Variants in PARD3 observed in about 807,000 individuals in gnomAD.
PARD3 encodes par-3 family cell polarity regulator.
Under a neutral mutation model 155.4 loss-of-function variants are expected in PARD3, and 75 were observed. That is an observed-to-expected ratio of 0.48 (90% CI 0.40 to 0.58). The LOEUF (loss-of-function observed/expected upper bound fraction) is 0.58. Among genes scored for constraint, PARD3 ranks in the 20% least tolerant of loss-of-function variants. The probability of loss-of-function intolerance (pLI) is 0.00; values close to 1 mark genes in which losing one functional copy is unlikely to be tolerated. For missense variants in PARD3, 1,642 were observed against 1,721.7 expected (o/e 0.95, Z 0.82); for synonymous variants, 576 against 610.5 (o/e 0.94, Z 0.83).
chr10:34,809,365 G>A (rs117543243), intron 1 of PARD3, among the ~76,000 whole-genome samples: 1 of 152,102 alleles, frequency 6.6e-6, no homozygotes, highest in Non-Finnish European at 1.5e-5. Flanking sequence ...AAGGGCGCAC[G>A]GATACACTTG....
chr10:34,385,133 CTTATT>C (rs985146119), intron 7 of PARD3, among the ~76,000 whole-genome samples: 16 of 151,958 alleles, frequency 1.1e-4, no homozygotes, highest in African/African-American at 3.6e-4. Flanking sequence ...TTTTTTTAGT[CTTATT>C]TTATTCTTTT....
chr10:34,702,555 C>A (rs2133551115), intron 1 of PARD3, among the ~76,000 whole-genome samples: 1 of 152,176 alleles, frequency 6.6e-6, no homozygotes, highest in South Asian at 2.1e-4. Flanking sequence ...AGAGGAGGAA[C>A]AATTGTAGAG....
chr10:34,598,045 T>G (rs1397270278), intron 2 of PARD3, among the ~76,000 whole-genome samples: 2 of 152,186 alleles, frequency 1.3e-5, no homozygotes, highest in African/African-American at 2.4e-5. Flanking sequence ...TTATCTACTT[T>G]TAAAATGAGC....
At chr10:34,669,459 GA>G (rs2093567434) in intron 2 of PARD3, among the ~76,000 whole-genome samples, 1 of 152,146 alleles carries the variant, frequency 6.6e-6, no homozygotes, top group African/African-American at 2.4e-5. Context: ...AGGAGGATGG[GA>G]GGGGGTGAAG....
At chr10:34,312,081 A>G (rs1459022961) in intron 20 of PARD3, among the ~76,000 whole-genome samples, 2 of 152,170 alleles carry the variant, frequency 1.3e-5, no homozygotes, top group Non-Finnish European at 2.9e-5. Flanking sequence ...ATGGTTTTCC[A>G]CTATGAAAAG....
chr10:34,437,106 C>T (rs1481991069), intron 5 of PARD3, among the ~76,000 whole-genome samples: 1 of 151,868 alleles, frequency 6.6e-6, no homozygotes, highest in African/African-American at 2.4e-5. Flanking sequence ...AATTAATCCC[C>T]CTATAGTCTG....
intron 2 of PARD3, among the ~76,000 whole-genome samples, chr10:34,535,177 A>G (rs1164033954): frequency 6.6e-6 from 1 of 152,206 alleles, no homozygotes; most frequent in Non-Finnish European, 1.5e-5. Flanking sequence ...TTTAATCCCC[A>G]TATGTCTTGA....
At chr10:34,531,641 TA>T (rs2082863175) in intron 2 of PARD3, among the ~76,000 whole-genome samples, 1 of 152,044 alleles carries the variant, frequency 6.6e-6, no homozygotes, top group Non-Finnish European at 1.5e-5. Context: ...TCTTGTTTTT[TA>T]TAATGGTCCC....
rs56131825 is a variant in PARD3, at chr10:34,735,240, C to A, written c.121-38821G>T. ...ATAATAAGACATAAGTTGTATGTTT[C>A]TTTTGCTCTAAGCTACTCGTAGCTT... On this transcript the variant is annotated intron_variant, in intron 1 of 24. Transcript: ENST00000374788. Among the ~76,000 whole-genome samples the A allele has an allele frequency of 8.6e-3, 1,315 of 152,198 alleles. 22 individuals carry two copies. Among genetic ancestry groups the A allele is most frequent in the African/African-American group, 0.03 (1,260 of 41,516 alleles).
intron 5 of PARD3, among the ~76,000 whole-genome samples, chr10:34,408,151 T>C (rs1335988619): frequency 6.6e-6 from 1 of 152,104 alleles, no homozygotes; most frequent in Non-Finnish European, 1.5e-5. Flanking sequence ...TATAAAAACT[T>C]AAAGTTATAC....
chr10:34,357,162 TG>T (rs1838975107), intron 14 of PARD3, among the ~76,000 whole-genome samples: 2 of 152,290 alleles, frequency 1.3e-5, no homozygotes, highest in African/African-American at 4.8e-5. Flanking sequence ...TGTCACTATT[TG>T]GGGGGAACAA....
intron 15 of PARD3, chr10:34,345,972 C>A: frequency 1.0e-6 from 1 of 984,292 alleles, no homozygotes; most frequent in Non-Finnish European, 1.2e-6. Context: ...GTTTCCGTTA[C>A]AAATTGTAAA....
intron 2 of PARD3, among the ~76,000 whole-genome samples, chr10:34,688,085 T>G (rs2093982747): frequency 6.6e-6 from 1 of 152,006 alleles, no homozygotes; most frequent in African/African-American, 2.4e-5. Context: ...ACTTCTGGGC[T>G]CAAGTGATCC....
intron 18 of PARD3, among the ~76,000 whole-genome samples, chr10:34,331,816 T>C (rs936475929): frequency 2.6e-5 from 4 of 152,060 alleles, no homozygotes; most frequent in Non-Finnish European, 4.4e-5. Context: ...TCAATGTGCA[T>C]TGTCAAGTCT....
intron 5 of PARD3, among the ~76,000 whole-genome samples, chr10:34,422,165 A>G (rs181490429): frequency 6.1e-4 from 93 of 152,112 alleles, no homozygotes; most frequent in African/African-American, 2.0e-3. Context: ...TTAGTAGATA[A>G]TATCATGGAT....
chr10:34,386,997 AATC>A lies in PARD3; in HGVS notation c.891-2746_891-2744del. ...AACGATGTCTCAGTCACCCACAGGT[AATC>A]ATAACAGAACCACATGTGAGGTGCC... On this transcript the variant is annotated intron_variant, in intron 7 of 24. Coordinates refer to ENST00000374788, the MANE Select transcript of PARD3 (RefSeq NM_001184785.2). Among the ~76,000 whole-genome samples, 3 of 152,288 alleles carry A rather than the reference AATC, an allele frequency of 2.0e-5. 1 individual carries two copies. The highest frequency in any genetic ancestry group is 7.2e-5 in the African/African-American group (3 of 41,562).
intron 22 of PARD3, among the ~76,000 whole-genome samples, chr10:34,261,797 G>C (rs1955015053): frequency 1.7e-5 from 1 of 57,372 alleles, no homozygotes; most frequent in Non-Finnish European, 5.8e-5. Context: ...AAGAAAGAAA[G>C]AAAGAAAGAA....
chr10:34,806,272 G>T (rs2134382625), intron 1 of PARD3, among the ~76,000 whole-genome samples: 1 of 146,142 alleles, frequency 6.8e-6, no homozygotes, highest in East Asian at 2.1e-4. Context: ...TTGGCTCACT[G>T]CAACCTCTGC....
intron 1 of PARD3, among the ~76,000 whole-genome samples, chr10:34,800,850 G>A (rs988786617): frequency 2.6e-5 from 4 of 152,074 alleles, no homozygotes; most frequent in African/African-American, 4.8e-5. Flanking sequence ...CATGAGTCCT[G>A]ACCTAAAAAG....
Sources: allele counts gnomAD v4.1 joint callset (sites outside exome capture counted in the v4.1 genomes callset), GRCh38; gene constraint gnomAD v4.1.1; transcripts MANE v1.5; gene names NCBI Gene and HGNC (gene_info 2026-07-23, HGNC 2026-07-21).